Variants in PDK4 observed in about 807,000 individuals in gnomAD.
The protein encoded by PDK4 is pyruvate dehydrogenase kinase 4, also known as pyruvate dehydrogenase kinase, isozyme 4.
Under a neutral mutation model 51.7 loss-of-function variants are expected in PDK4, and 43 were observed. The observed-to-expected ratio is 0.83, with a 90% confidence interval of 0.65 to 1.07. The LOEUF (loss-of-function observed/expected upper bound fraction) is 1.07. PDK4 is among the 50% of genes least tolerant of loss of function. PDK4 has a pLI of 0.00. For missense variants in PDK4, 498 were observed against 503.5 expected (o/e 0.99, Z 0.10); for synonymous variants, 170 against 176.6 (o/e 0.96, Z 0.30).
chr7:95,586,687 C>G (rs964994724), intron 10 of PDK4: 1 of 201,544 alleles, frequency 5.0e-6, no homozygotes, highest in Admixed American at 5.4e-5. Flanking sequence ...AATAAAAGCA[C>G]AGCTACTCTC....
rs181545860 is a variant in PDK4, at chr7:95,592,033, G to T, written c.649C>A (p.Gln217Lys). The T allele has an allele frequency of 3.2e-6, 5 of 1,583,922 alleles. No individual in the cohort carries two copies. In the African/African-American group the frequency reaches 4.1e-5, roughly 13 times the overall value. The change falls in exon 6 of 11, where the codon CAG becomes AAG. Residue 217 changes from glutamine (Q) to lysine (K), a missense_variant. Physicochemically the swap from Gln to Lys is moderately conservative, Grantham distance 53. Transcript: ENST00000005178. ...AATTCTGGAGATGATAAATAATACT[G>T]ATCACAGAGCATCCTTGAACACTCA... ...AFECSRMLCDQYYLSSPELKL... is the reference protein window; with the variant it reads ...AFECSRMLCDKYYLSSPELKL...
intron 6 of PDK4, among the ~76,000 whole-genome samples, chr7:95,590,614 C>T (rs569689213): frequency 2.0e-5 from 3 of 152,276 alleles, no homozygotes; most frequent in African/African-American, 7.2e-5. Context: ...CTCAGAGATA[C>T]GTTCCATTCT....
At chr7:95,595,799 AG>A (rs1310735662) in intron 1 of PDK4, among the ~76,000 whole-genome samples, 1 of 152,248 alleles carries the variant, frequency 6.6e-6, no homozygotes, top group Non-Finnish European at 1.5e-5. Flanking sequence ...AATACTATTC[AG>A]AAACTTCTCC....
At chr7:95,589,598 C>A (rs1791527211) in intron 7 of PDK4, 42 bp downstream of exon 7, 3 of 1,015,622 alleles carry the variant, frequency 3.0e-6, no homozygotes, top group South Asian at 1.5e-5. Context: ...ACTGTTAAAC[C>A]TTTTTAAAAG....
At chr7:95,587,894 A>G (rs1362474680) in intron 7 of PDK4, 69 bp from the exon 8 acceptor site, 1 of 928,068 alleles carries the variant, frequency 1.1e-6, no homozygotes, top group Non-Finnish European at 1.7e-6. Context: ...TTTTTTTTTT[A>G]TGTTTAAAAT....
In PDK4 at chr7:95,585,517, T is replaced by G. The variant is rs1048030186; in HGVS notation, c.*124A>C. On this transcript the variant is annotated 3_prime_UTR_variant, in exon 11 of 11. Transcript: ENST00000005178. ...TCCATTCCTCATTGGATCAGTGTTC[T>G]GATTAAGGAGTTTTCGTTGCTGTCG... The G allele has an allele frequency of 3.8e-6, 3 of 785,302 alleles. No individual in the cohort carries two copies. The highest frequency in any genetic ancestry group is 5.9e-6 in the Non-Finnish European group (3 of 507,330). 48.6% of individuals were successfully genotyped at this position (785,302 alleles called of 1,614,324 possible). A position where few individuals can be genotyped will look rare whatever the true frequency, so the allele number is the denominator to read the frequency against.
At chr7:95,596,096 A>G in intron 1 of PDK4, 68 bp downstream of exon 1, 1 of 1,488,604 alleles carries the variant, frequency 6.7e-7, no homozygotes. Context: ...CCCTCCCTCT[A>G]CCAAGGCTGA....
intron 1 of PDK4, among the ~76,000 whole-genome samples, 188 bp from the exon 2 acceptor site, chr7:95,595,352 C>T (rs1362886379): frequency 2.0e-5 from 3 of 152,162 alleles, no homozygotes; most frequent in Non-Finnish European, 2.9e-5. Context: ...TTCGTCCTTT[C>T]GTCTTTCCTT....
chr7:95,596,194 G>C lies in PDK4; in HGVS notation c.100C>G (p.Pro34Ala). The C allele has an allele frequency of 6.2e-7, 1 of 1,603,786 alleles. No homozygotes were observed. The highest frequency in any genetic ancestry group is 2.3e-5 in the East Asian group (1 of 43,290). Residue 34 changes from proline to alanine, a missense_variant, in exon 1 of 11, where the codon CCG becomes GCG. Coordinates refer to ENST00000005178, the MANE Select transcript of PDK4 (RefSeq NM_002612.4). ...VEHFSRYSPS[P>A]LSMKQLLDFG... is the part of the protein sequence containing the mutation. ...TCCAGTAGCTGCTTCATGGACAGCG[G>C]GGACGGGCTGTAGCGCGAGAAATGC...
In PDK4 at chr7:95,592,593, A is replaced by G. The variant is rs1247151823; in HGVS notation, c.534T>C (p.Leu178=). The G allele has an allele frequency of 6.3e-7, 1 of 1,598,284 alleles. No homozygotes were observed. Among genetic ancestry groups the G allele is most frequent in the East Asian group, 2.2e-5 (1 of 44,778 alleles). Reference sequence around the variant, plus strand: ...TTCCTGTCTGTGAGTCACTAAATATAAGAACTGTTGAAAAATAAAAACAAA... The same window carrying G: ...TTCCTGTCTGTGAGTCACTAAATATGAGAACTGTTGAAAAATAAAAACAAA... ...STRMLMNQHI[L]IFSDSQTGNP... Residue 178 remains leucine, a synonymous_variant, in exon 5 of 11, where the codon CTT becomes CTC. Coordinates refer to ENST00000005178, the MANE Select transcript of PDK4 (RefSeq NM_002612.4).
At chr7:95,595,633 T>G in intron 1 of PDK4, among the ~76,000 whole-genome samples, 1 of 152,162 alleles carries the variant, frequency 6.6e-6, no homozygotes, top group Non-Finnish European at 1.5e-5. Context: ...ATAAGATTAC[T>G]GCAACAAATG....
chr7:95,592,698 T>A, intron 4 of PDK4, 62 bp downstream of exon 4: 1 of 1,406,030 alleles, frequency 7.1e-7, no homozygotes, highest in Non-Finnish European at 1.0e-6. Context: ...GACATCTAGT[T>A]ATAGTATGGC....
intron 2 of PDK4, among the ~76,000 whole-genome samples, chr7:95,594,077 T>A (rs1791584946): frequency 6.6e-6 from 1 of 152,186 alleles, no homozygotes; most frequent in Non-Finnish European, 1.5e-5. Flanking sequence ...TAGAAACAAC[T>A]TTTTTTAAAG....
At chr7:95,588,909 C>A (rs1242026951) in intron 7 of PDK4, among the ~76,000 whole-genome samples, 1 of 152,172 alleles carries the variant, frequency 6.6e-6, no homozygotes, top group Non-Finnish European at 1.5e-5. Flanking sequence ...ATTCTCAGAC[C>A]TGAAGAATCA....
Position 95,596,299 on chromosome 7 carries a change from C to T in PDK4, c.-6G>A, listed in dbSNP as rs777737739. Reference sequence around the variant, plus strand: ...ACGAAGCGGGCCGCCTTCATCTTGACGCCCACCCGGCCTGGCGGGGACTGT... The same window carrying T: ...ACGAAGCGGGCCGCCTTCATCTTGATGCCCACCCGGCCTGGCGGGGACTGT... On this transcript the variant is annotated 5_prime_UTR_variant, in exon 1 of 11. Coordinates refer to ENST00000005178, the MANE Select transcript of PDK4 (RefSeq NM_002612.4). The T allele has an allele frequency of 1.3e-6, 2 of 1,567,124 alleles. No individual in the cohort carries two copies. The highest frequency in any genetic ancestry group is 1.7e-6 in the Non-Finnish European group (2 of 1,157,446).
rs1791470791 is a variant in PDK4 at position 95,585,573 on chromosome 7, C to A, written c.*68G>T. 2.9e-6 allele frequency: 4 copies of A among 1,399,920 alleles called. No individual in the cohort carries two copies. The allele number at this position is 1,399,920 out of a possible 1,614,324, so 86.7% of individuals were successfully genotyped here. On this transcript the variant is annotated 3_prime_UTR_variant, in exon 11 of 11. Transcript: ENST00000005178. Reference sequence around the variant, plus strand: ...TTTGGAGGAAACAAGGGTTCACACACAAACATTCAGGAAGCAGCACTGGTG... The same window carrying A: ...TTTGGAGGAAACAAGGGTTCACACAAAAACATTCAGGAAGCAGCACTGGTG...
In PDK4 at chr7:95,585,580, TCAGGAAG is replaced by T; in HGVS notation, c.*54_*60del. ...GAAACAAGGGTTCACACACAAACATTCAGGAAGCAGCACTGGTGTAGACCCACTTTGA... is the reference window on the plus strand; with the variant it reads ...GAAACAAGGGTTCACACACAAACATTCAGCACTGGTGTAGACCCACTTTGA... On this transcript the variant is annotated 3_prime_UTR_variant, in exon 11 of 11. Transcript: ENST00000005178. 1 of 1,441,112 alleles carries T rather than the reference TCAGGAAG, an allele frequency of 6.9e-7. No homozygotes were observed. 89.3% of individuals were successfully genotyped at this position (1,441,112 alleles called of 1,614,324 possible). A position where few individuals can be genotyped will look rare whatever the true frequency, so the allele number is the denominator to read the frequency against.
At position 95,595,120 on chromosome 7, in the gene PDK4, G is replaced by T. The variant is rs1791602166; in HGVS notation, c.175C>A (p.Gln59Lys). Residue 59 changes from glutamine (Q) to lysine (K), a missense_variant, in exon 2 of 11, where the codon CAA becomes AAA. Physicochemically the swap from Gln to Lys is moderately conservative, Grantham distance 53. Transcript: ENST00000005178. ...TTGGCGAGTCTCACAGGCAATTCTT[G>T]TCGCAAAAATGCAAAAGAAGTTCTT... ...CERTSFAFLRQELPVRLANIL... is the reference protein window; with the variant it reads ...CERTSFAFLRKELPVRLANIL... The T allele has an allele frequency of 1.2e-6, 2 of 1,612,848 alleles. No individual in the cohort carries two copies. The highest frequency in any genetic ancestry group is 4.5e-5 in the East Asian group (2 of 44,842).
chr7:95,589,851 C>G, intron 6 of PDK4, 135 bp from the exon 7 acceptor site: 1 of 606,510 alleles, frequency 1.6e-6, no homozygotes, highest in Non-Finnish European at 3.0e-6. Context: ...AAATCCTGCC[C>G]TAGAAACTTA....
Sources: allele counts gnomAD v4.1 joint callset (sites outside exome capture counted in the v4.1 genomes callset), GRCh38; gene constraint gnomAD v4.1.1; transcripts MANE v1.5; gene names NCBI Gene and HGNC (gene_info 2026-07-23, HGNC 2026-07-21).